PDE1A: variants seen among roughly 807,000 people sequenced by gnomAD.
The protein encoded by PDE1A is phosphodiesterase 1A, also known as dual specificity calcium/calmodulin-dependent 3',5'-cyclic nucleotide phosphodiesterase 1A.
In PDE1A, 35 loss-of-function variants were observed where a neutral mutation model predicts 61.7. The ratio of observed to expected loss-of-function variants is 0.57; its 90% CI spans 0.43 to 0.75. PDE1A has a LOEUF of 0.75. Among genes scored for constraint, PDE1A ranks in the 30% least tolerant of loss-of-function variants. The probability of loss-of-function intolerance (pLI) is 0.00; values close to 1 mark genes in which losing one functional copy is unlikely to be tolerated. For synonymous variants in PDE1A, 232 were observed against 213.2 expected (o/e 1.09, Z -0.77); for missense variants, 597 against 630.6 (o/e 0.95, Z 0.57).
intron 2 of PDE1A, among the ~76,000 whole-genome samples, chr2:182,501,349 T>C (rs1203895424): frequency 6.6e-6 from 1 of 152,220 alleles, no homozygotes; most frequent in East Asian, 1.9e-4. Context: ...AACCCTGTTA[T>C]GAGTTTTGAT....
At chr2:182,526,984 A>G (rs1470294730), upstream of PDE1A, among the ~76,000 whole-genome samples, 1 of 151,974 alleles carries the variant, frequency 6.6e-6, no homozygotes, top group Non-Finnish European at 1.5e-5. Context: ...AATAAGTTAT[A>G]ACAATGTTTA....
chr2:182,198,629 G>A (rs1337943507), intron 10 of PDE1A, among the ~76,000 whole-genome samples: 6 of 151,282 alleles, frequency 4.0e-5, no homozygotes, highest in African/African-American at 1.5e-4. Context: ...CTTTAATATG[G>A]TGAATTACCT....
the PDE1A span, among the ~76,000 whole-genome samples, chr2:182,691,031 G>A: frequency 4.5e-4 from 68 of 152,230 alleles, no homozygotes; most frequent in African/African-American, 1.5e-3. Context: ...AATAAAAGAG[G>A]ACACAAACAA....
In PDE1A at chr2:182,404,056, TA is replaced by T. The variant is rs551946996; in HGVS notation, c.53+22521del. On this transcript the variant is annotated intron_variant, in intron 1 of 13. Transcript: ENST00000351439. ...TGTCAATAGGAACAAATTTTTTTTT[TA>T]AAAAAAGTCATATCCTACAAGAGGA... Among the ~76,000 whole-genome samples, 41 of 130,974 alleles carry T rather than the reference TA, an allele frequency of 3.1e-4. No homozygotes were observed. In the Middle Eastern group the frequency reaches 0.017, roughly 55 times the overall value. The allele number at this position is 130,974 out of a possible 152,430, so 85.9% of individuals were successfully genotyped here.
chr2:182,608,635 TC>T, the PDE1A span, among the ~76,000 whole-genome samples: 3 of 152,194 alleles, frequency 2.0e-5, no homozygotes, highest in African/African-American at 7.2e-5. Context: ...CTTAGCTGCC[TC>T]CCCACAGGGC....
upstream of PDE1A, chr2:182,523,275 TTGTG>T (rs371403873): frequency 2.6e-5 from 4 of 151,844 alleles, no homozygotes; most frequent in Admixed American, 1.3e-4. Context: ...GGGAATAGAT[TTGTG>T]TGTGTGTGTT....
intron 13 of PDE1A, among the ~76,000 whole-genome samples, chr2:182,183,780 G>GA (rs1429097020): frequency 6.6e-6 from 1 of 151,602 alleles, no homozygotes; most frequent in Non-Finnish European, 1.5e-5. Context: ...AACAATGAAT[G>GA]AAAATATAAA....
At chr2:182,291,626 G>T (rs1016676607) in intron 1 of PDE1A, among the ~76,000 whole-genome samples, 5 of 152,076 alleles carry the variant, frequency 3.3e-5, no homozygotes, top group Non-Finnish European at 5.9e-5. Context: ...AATAGGATTT[G>T]TTTAATTTGG....
intron 1 of PDE1A, among the ~76,000 whole-genome samples, chr2:182,353,691 C>G (rs528547868): frequency 1.3e-5 from 2 of 151,878 alleles, no homozygotes; most frequent in South Asian, 4.1e-4. Context: ...ATATAAAAAC[C>G]TATCTGTTTC....
rs187933678 is a variant in PDE1A, at chr2:182,390,654, C to T, written c.53+35924G>A. Among the ~76,000 whole-genome samples the T allele has an allele frequency of 9.8e-4, 149 of 152,268 alleles. 2 individuals carry two copies. The highest frequency in any genetic ancestry group is 8.7e-3 in the Admixed American group (133 of 15,290). On this transcript the variant is annotated intron_variant, in intron 1 of 13. Coordinates refer to ENST00000351439, the Ensembl canonical transcript of PDE1A. The stretch of plus-strand genomic sequence containing the variant: ...TGGAAAATCAGACACAAGCCCTTAT[C>T]GTGTGAGTGGCTGAGCTGCAACAAA...
the PDE1A span, among the ~76,000 whole-genome samples, chr2:182,680,523 T>G: frequency 6.6e-6 from 1 of 152,200 alleles, no homozygotes; most frequent in South Asian, 2.1e-4. Context: ...GTTAAATAGT[T>G]AAGAAATACA....
intron 2 of PDE1A, among the ~76,000 whole-genome samples, chr2:182,509,421 G>A (rs1463216499): frequency 6.6e-6 from 1 of 152,146 alleles, no homozygotes; most frequent in Admixed American, 6.5e-5. Context: ...TGGCAGGACT[G>A]TGGAAAAAAT....
rs374876804 is a variant in PDE1A, at chr2:182,491,568, A to G, written c.101+30708T>C. Among the ~76,000 whole-genome samples, 5 of 152,246 alleles carry G rather than the reference A, an allele frequency of 3.3e-5. No homozygotes were observed. The East Asian group carries it at 7.7e-4, about 23-fold the overall frequency. On this transcript the variant is annotated intron_variant, in intron 2 of 14. Transcript: ENST00000410103. ...ACTTGAAATTTAGATTTGACCCAGC[A>G]TACTTACTTCTGGACATTTGTCCTA...
At chr2:182,181,702 C>G (rs1684773246) in intron 13 of PDE1A, among the ~76,000 whole-genome samples, 1 of 152,184 alleles carries the variant, frequency 6.6e-6, no homozygotes, top group African/African-American at 2.4e-5. Flanking sequence ...TGCTCTGTCC[C>G]AGGGAGTTGA....
intron 2 of PDE1A, among the ~76,000 whole-genome samples, chr2:182,494,676 A>C (rs1400160302): frequency 6.6e-6 from 1 of 152,066 alleles, no homozygotes; most frequent in Non-Finnish European, 1.5e-5. Flanking sequence ...CAATGTAATA[A>C]TCAGAATTCC....
intron 3 of PDE1A, among the ~76,000 whole-genome samples, chr2:182,236,255 G>A (rs1447850292): frequency 6.6e-6 from 1 of 151,554 alleles, no homozygotes; most frequent in Non-Finnish European, 1.5e-5. Context: ...CATTGATATA[G>A]GTATAATTAT....
chr2:182,400,272 T>A (rs1701928067), intron 1 of PDE1A, among the ~76,000 whole-genome samples: 1 of 152,202 alleles, frequency 6.6e-6, no homozygotes, highest in Admixed American at 6.5e-5. Flanking sequence ...ATTAAAATTT[T>A]CCTTTATCTT....
the PDE1A span, among the ~76,000 whole-genome samples, chr2:182,537,032 A>T: frequency 6.6e-6 from 1 of 152,228 alleles, no homozygotes; most frequent in African/African-American, 2.4e-5. Context: ...GCATGAATGC[A>T]ATATCATAAA....
chr2:182,378,003 C>T (rs554712492), intron 1 of PDE1A, among the ~76,000 whole-genome samples: 2 of 152,116 alleles, frequency 1.3e-5, no homozygotes, highest in East Asian at 1.9e-4. Flanking sequence ...CCCGCCACCT[C>T]GCCCGGCTAA....
Sources: gnomAD v4.1 joint callset for allele counts (sites outside exome capture counted in the v4.1 genomes callset) on GRCh38, gnomAD v4.1.1 for gene constraint, MANE v1.5 for transcripts, NCBI Gene and HGNC (gene_info 2026-07-23, HGNC 2026-07-21) for gene names.